KIF4A: variants seen among roughly 807,000 people sequenced by gnomAD.
The protein encoded by KIF4A is kinesin family member 4A.
KIF4A carries 7 observed loss-of-function variants against 105.9 expected under a neutral mutation model. The observed-to-expected ratio is 0.07, with a 90% CI of 0.04 to 0.12. The LOEUF (loss-of-function observed/expected upper bound fraction) is 0.12. Ranked by LOEUF, KIF4A falls within the 10% of genes least tolerant of loss-of-function variation. KIF4A has a pLI of 1.00. For missense variants in KIF4A, 558 were observed against 929.2 expected (o/e 0.60, Z 5.19); for synonymous variants, 281 against 331.3 (o/e 0.85, Z 1.65).
intron 20 of KIF4A, among the ~76,000 whole-genome samples, chrX:70,388,994 A>G (rs2086227976): frequency 8.9e-6 from 1 of 112,450 alleles, no homozygotes; most frequent in East Asian, 2.8e-4. Flanking sequence ...TCATGCCTAT[A>G]ATCCCAGCAC....
chrX:70,392,836 T>G (rs1286977225), intron 20 of KIF4A, among the ~76,000 whole-genome samples: 1 of 105,304 alleles, frequency 9.5e-6, no homozygotes, highest in African/African-American at 3.5e-5. Context: ...CACTCTGATC[T>G]TATAATAATA....
intron 15 of KIF4A, among the ~76,000 whole-genome samples, chrX:70,368,582 A>G (rs2086115689): frequency 8.9e-6 from 1 of 111,873 alleles, no homozygotes; most frequent in Non-Finnish European, 1.9e-5. Context: ...TGGACACCAA[A>G]TGTCGCTGCC....
intron 15 of KIF4A, among the ~76,000 whole-genome samples, chrX:70,373,512 A>ACG (rs1401579358): frequency 0.011 from 123 of 11,126 alleles, 43 homozygotes; most frequent in East Asian, 0.025. Context: ...ATATATATAC[A>ACG]TGTGTGTGTA....
intron 15 of KIF4A, among the ~76,000 whole-genome samples, chrX:70,355,817 C>A (rs1451676244): frequency 9.0e-6 from 1 of 111,434 alleles, no homozygotes; most frequent in African/African-American, 3.3e-5. Context: ...CAGGACCCTA[C>A]AACAAGTACT....
chrX:70,302,760 T>C (rs1415452212), intron 7 of KIF4A, among the ~76,000 whole-genome samples: 3 of 111,979 alleles, frequency 2.7e-5, no homozygotes, highest in African/African-American at 9.7e-5. Context: ...CTCAGCCCAA[T>C]TTCCATGCCT....
At position 70,419,744 on chromosome X, in the gene KIF4A, G is replaced by A; in HGVS notation, c.3456G>A (p.Leu1152=). The change falls in exon 30 of 31, where the codon TTG becomes TTA. Residue 1152 remains leucine, a synonymous_variant. Transcript: ENST00000374403. ...ATCCTACCGAGGTGACCCCAGGATT[G>A]AGCTTCTTTAATCCCGTCTGTGCCA... The part of the protein sequence containing the change: ...LEDPTEVTPG[L]SFFNPVCATP... The A allele has an allele frequency of 8.3e-7, 1 of 1,211,090 alleles. No individual in the cohort carries two copies. The highest frequency in any genetic ancestry group is 1.8e-5 in the South Asian group (1 of 56,950).
intron 22 of KIF4A, among the ~76,000 whole-genome samples, chrX:70,402,322 T>C (rs1230881288): frequency 8.9e-6 from 1 of 112,279 alleles, no homozygotes; most frequent in Admixed American, 9.5e-5. Context: ...AGTCCCACTT[T>C]ATGACCCATT....
chrX:70,348,287 AT>A (rs1569238423), intron 13 of KIF4A, among the ~76,000 whole-genome samples: 1 of 111,694 alleles, frequency 9.0e-6, no homozygotes, highest in Non-Finnish European at 1.9e-5. Flanking sequence ...CTACAAAAAA[AT>A]AAAATAAAAT....
At chrX:70,305,215 T>C (rs967919676) in intron 7 of KIF4A, among the ~76,000 whole-genome samples, 3 of 111,893 alleles carry the variant, frequency 2.7e-5, no homozygotes, top group African/African-American at 9.8e-5. Context: ...ACACTCACCC[T>C]TTTAAAGTAT....
chrX:70,362,587 A>G (rs761649619), intron 15 of KIF4A, among the ~76,000 whole-genome samples: 1 of 112,007 alleles, frequency 8.9e-6, no homozygotes, highest in Non-Finnish European at 1.9e-5. Context: ...GCTGGAGTGT[A>G]GTGGCGCAAT....
Position 70,343,699 on chromosome X carries a change from G to A in KIF4A, c.1267-4G>A. 1 of 1,210,658 alleles carries A rather than the reference G, an allele frequency of 8.3e-7. No individual in the cohort carries two copies. Among genetic ancestry groups the A allele is most frequent in the Non-Finnish European group, 1.1e-6 (1 of 894,634 alleles). ...ACTGATGATCTCCTGGGTCTTTGTTGCAGACAGAGCAAGCGAATGAAAAAA... is the reference window on the plus strand; with the variant it reads ...ACTGATGATCTCCTGGGTCTTTGTTACAGACAGAGCAAGCGAATGAAAAAA... On this transcript the variant is annotated splice_region_variant and splice_polypyrimidine_tract_variant and intron_variant, in intron 11 of 30. Transcript: ENST00000374403.
At position 70,343,334 on chromosome X, in the gene KIF4A, T is replaced by C. The variant is rs777148644; in HGVS notation, c.1267-369T>C. On this transcript the variant is annotated intron_variant, in intron 11 of 30. Transcript: ENST00000374403. ...TGTTTTTTGTCTTTTTTTTGTTTGT[T>C]TTTTTTGTTTGTTTGTTTTGCAAAC... Among the ~76,000 whole-genome samples, 4 of 111,411 alleles carry C rather than the reference T, an allele frequency of 3.6e-5. No individual in the cohort carries two copies. The South Asian group carries it at 1.5e-3, about 42-fold the overall frequency.
At position 70,338,807 on chromosome X, in the gene KIF4A, C is replaced by T. The variant is rs959510361; in HGVS notation, c.1134-2992C>T. On this transcript the variant is annotated intron_variant, in intron 10 of 30. Coordinates refer to ENST00000374403, the MANE Select transcript of KIF4A (RefSeq NM_012310.5). ...ACCAGGGTTAAAAGAGGAATTCAGC[C>T]GGGCGCGGTGGCTCATGCCTGTAAC... is the stretch of plus-strand genomic sequence containing the variant. 5.1e-4 allele frequency among the ~76,000 whole-genome samples: 57 copies of T among 111,577 alleles called. 1 individual carries two copies. The highest frequency in any genetic ancestry group is 3.7e-4 in the South Asian group (1 of 2,683).
At chrX:70,412,596 T>C (rs953300820) in intron 28 of KIF4A, among the ~76,000 whole-genome samples, 2 of 111,663 alleles carry the variant, frequency 1.8e-5, no homozygotes, top group Admixed American at 9.5e-5. Context: ...TTTTTTGTTA[T>C]GATAATGTCT....
chrX:70,395,859 A>G, intron 21 of KIF4A, 33 bp downstream of exon 21: 1 of 1,205,210 alleles, frequency 8.3e-7, no homozygotes, highest in Non-Finnish European at 1.1e-6. Flanking sequence ...GTTGCCAATA[A>G]TCAGACTCTA....
At chrX:70,383,014 G>A (rs143331810) in intron 18 of KIF4A, among the ~76,000 whole-genome samples, 69 of 109,823 alleles carry the variant, frequency 6.3e-4, no homozygotes, top group East Asian at 5.7e-3. Context: ...GAGAAACCCC[G>A]TCTCCACTAA....
At chrX:70,301,803 G>A (rs755648523) in intron 5 of KIF4A, 97 bp from the exon 6 acceptor site, 4 of 948,213 alleles carry the variant, frequency 4.2e-6, no homozygotes, top group Non-Finnish European at 5.9e-6. Flanking sequence ...GGTTCTACTA[G>A]ACTATCAAGG....
chrX:70,364,280 A>T (rs1223590903), intron 15 of KIF4A, among the ~76,000 whole-genome samples: 1 of 110,824 alleles, frequency 9.0e-6, no homozygotes, highest in Non-Finnish European at 1.9e-5. Flanking sequence ...TTTTGTTGCC[A>T]TTGCTTTTCG....
chrX:70,352,557 T>C (rs1393292945), intron 13 of KIF4A, 43 bp from the exon 14 acceptor site: 1 of 1,033,279 alleles, frequency 9.7e-7, no homozygotes, highest in East Asian at 3.1e-5. Flanking sequence ...CAGTAAGCTT[T>C]ACTTCAGACT....
Sources: allele counts gnomAD v4.1 joint callset (sites outside exome capture counted in the v4.1 genomes callset), GRCh38; gene constraint gnomAD v4.1.1; transcripts MANE v1.5; gene names NCBI Gene and HGNC (gene_info 2026-07-23, HGNC 2026-07-21).